Variants in PIGX observed in about 807,000 individuals in gnomAD.
PIGX encodes the protein phosphatidylinositol glycan anchor biosynthesis class X.
In PIGX, 24 loss-of-function variants were observed where a neutral mutation model predicts 28.7. The observed-to-expected ratio is 0.84, with a 90% CI of 0.60 to 1.17. The LOEUF (loss-of-function observed/expected upper bound fraction) is 1.17. Among genes scored for constraint, PIGX ranks in the 50% most tolerant of loss-of-function variants. The probability of loss-of-function intolerance (pLI) is 0.00; values close to 1 mark genes in which losing one functional copy is unlikely to be tolerated. For missense variants in PIGX, 305 were observed against 317.8 expected (o/e 0.96, Z 0.31); for synonymous variants, 127 against 121.0 (o/e 1.05, Z -0.33).
chr3:196,717,744 A>G (rs1193798786), intron 2 of PIGX: 1 of 152,192 alleles, frequency 6.6e-6, no homozygotes, highest in Non-Finnish European at 1.5e-5. Flanking sequence ...GCTTAGTACT[A>G]TTATACTTCA....
At chr3:196,729,390 A>G (rs1323182215) in intron 4 of PIGX, among the ~76,000 whole-genome samples, 3 of 151,142 alleles carry the variant, frequency 2.0e-5, no homozygotes, top group African/African-American at 7.3e-5. Context: ...TCTTCTCAAG[A>G]TGTTTTCTTT....
chr3:196,714,176 G>T (rs1421336371), intron 1 of PIGX, among the ~76,000 whole-genome samples: 1 of 152,126 alleles, frequency 6.6e-6, no homozygotes, highest in African/African-American at 2.4e-5. Flanking sequence ...GAAAGATCTG[G>T]ATTTGTGCTG....
intron 5 of PIGX, among the ~76,000 whole-genome samples, 164 bp downstream of exon 5, chr3:196,731,256 C>T (rs946733335): frequency 6.6e-6 from 1 of 151,826 alleles, no homozygotes; most frequent in Non-Finnish European, 1.5e-5. Flanking sequence ...CGGCTCACTG[C>T]AGCCTCCGCC....
intron 1 of PIGX, chr3:196,713,144 A>C (rs1711907195): frequency 1.1e-6 from 1 of 936,540 alleles, no homozygotes; most frequent in Non-Finnish European, 1.3e-6. Context: ...GATGGGAGGA[A>C]AGCACAAACC....
At chr3:196,722,276 A>T (rs1002351083) in intron 2 of PIGX, 139 bp from the exon 3 acceptor site, 6 of 607,006 alleles carry the variant, frequency 9.9e-6, no homozygotes, top group Non-Finnish European at 1.4e-5. Flanking sequence ...CATGTTATAA[A>T]TATTTCATTT....
At chr3:196,731,267 T>A (rs999801484) in intron 5 of PIGX, among the ~76,000 whole-genome samples, 175 bp downstream of exon 5, 1 of 151,954 alleles carries the variant, frequency 6.6e-6, no homozygotes, top group Non-Finnish European at 1.5e-5. Context: ...AGCCTCCGCC[T>A]ACCAGGTTCA....
At position 196,732,286 on chromosome 3, in the gene PIGX, TTA is replaced by T. The variant is rs1560080896; in HGVS notation, c.633+1196_633+1197del. Among the ~76,000 whole-genome samples, 96 of 84,266 alleles carry T rather than the reference TTA, an allele frequency of 1.1e-3. 20 individuals carry two copies. Among genetic ancestry groups the T allele is most frequent in the African/African-American group, 1.5e-3 (28 of 18,510 alleles). 55.3% of individuals were successfully genotyped at this position (84,266 alleles called of 152,430 possible). A position where few individuals can be genotyped will look rare whatever the true frequency, so the allele number is the denominator to read the frequency against. On this transcript the variant is annotated intron_variant, in intron 5 of 5. Transcript: ENST00000392391. ...ATTTTATTTTATTTTTTTTTTTATT[TTA>T]TTTTTTTTTTTGAGACGGAGTCTCG...
intron 4 of PIGX, among the ~76,000 whole-genome samples, chr3:196,730,117 G>A (rs1712689130): frequency 1.3e-5 from 2 of 151,306 alleles, no homozygotes; most frequent in Admixed American, 1.3e-4. Context: ...CCGACAGATG[G>A]GAAGTTTTTA....
chr3:196,717,300 C>CAAAAAAAAAA (rs55850813), intron 2 of PIGX, among the ~76,000 whole-genome samples: 2 of 120,950 alleles, frequency 1.7e-5, no homozygotes, highest in East Asian at 2.8e-4. Context: ...GACTCTGTCT[C>CAAAAAAAAAA]AAAAAAAGAA....
Position 196,731,533 on chromosome 3 carries a change from A to G in PIGX, c.633+441A>G, listed in dbSNP as rs73072740. On this transcript the variant is annotated intron_variant, in intron 5 of 5. Transcript: ENST00000392391. ...TTTTTTCTTACAGCAAAGGGTTACTACAAAGCACTGCTGTTTTTTGTTGGG... is the reference window on the plus strand; with the variant it reads ...TTTTTTCTTACAGCAAAGGGTTACTGCAAAGCACTGCTGTTTTTTGTTGGG... Among the ~76,000 whole-genome samples the G allele has an allele frequency of 4.1e-3, 617 of 152,320 alleles. 3 individuals are homozygous for G. The highest frequency in any genetic ancestry group is 0.014 in the African/African-American group (591 of 41,578).
rs748126081 is a variant in PIGX at position 196,727,957 on chromosome 3, C to A, written c.353C>A (p.Ala118Asp). Residue 118 changes from alanine (A) to aspartate (D), a missense_variant, in exon 4 of 6, where the codon GCC (alanine) becomes GAC (aspartate). Transcript: ENST00000392391. ...GTTTCAGAAAATTTTGATATAGAGG[C>A]CCCTAACTATTTGTCCAAGGAGTCT... The A allele has an allele frequency of 3.7e-6, 6 of 1,613,078 alleles. No homozygotes were observed. The highest frequency in any genetic ancestry group is 1.1e-5 in the South Asian group (1 of 91,056).
chr3:196,723,066 G>T (rs1204779528), intron 3 of PIGX, among the ~76,000 whole-genome samples: 2 of 152,212 alleles, frequency 1.3e-5, no homozygotes, highest in Non-Finnish European at 2.9e-5. Flanking sequence ...TGAGGGCTGG[G>T]TGCAGCGTCT....
At chr3:196,725,234 CAAAG>C (rs1712475903) in intron 3 of PIGX, among the ~76,000 whole-genome samples, 1 of 152,028 alleles carries the variant, frequency 6.6e-6, no homozygotes, top group South Asian at 2.1e-4. Context: ...AAGTTTTACT[CAAAG>C]TATGTAGTAT....
rs1270777805 is a variant in PIGX at position 196,712,483 on chromosome 3, G to C, written c.-50G>C. 3 of 937,544 alleles carry C rather than the reference G, an allele frequency of 3.2e-6. No individual in the cohort carries two copies. The highest frequency in any genetic ancestry group is 1.7e-5 in the African/African-American group (1 of 57,360). 58.1% of individuals were successfully genotyped at this position (937,544 alleles called of 1,614,324 possible). A position where few individuals can be genotyped will look rare whatever the true frequency, so the allele number is the denominator to read the frequency against. On this transcript the variant is annotated 5_prime_UTR_variant, in exon 1 of 6. Transcript: ENST00000392391. ...TGCGGGCGGCCAGGCCCCTTCCTGC[G>C]TCCGCACCTGGCCCCGCGCGCCCCT...
In PIGX at chr3:196,712,653, G is replaced by T; in HGVS notation, c.112+9G>T. ...CGCGCGCTCTGACGCCGGTAAGGGG[G>T]GCGGGGCTTGGGGGGCCAGAGCGTG... On this transcript the variant is annotated intron_variant, in intron 1 of 5. Transcript: ENST00000392391. 8.4e-7 allele frequency: 1 copy of T among 1,186,888 alleles called. No homozygotes were observed. Among genetic ancestry groups the T allele is most frequent in the South Asian group, 4.2e-5 (1 of 23,818 alleles). The allele number at this position is 1,186,888 out of a possible 1,614,324, so 73.5% of individuals were successfully genotyped here.
chr3:196,713,472 A>T (rs1711930297), intron 1 of PIGX, among the ~76,000 whole-genome samples: 1 of 151,632 alleles, frequency 6.6e-6, no homozygotes, highest in Admixed American at 6.6e-5. Context: ...TGCCCAGCTA[A>T]TTTTTTGTAT....
chr3:196,715,563 G>T (rs1406521369), intron 1 of PIGX, among the ~76,000 whole-genome samples: 1 of 152,078 alleles, frequency 6.6e-6, no homozygotes, highest in African/African-American at 2.4e-5. Context: ...CCTTCAAATA[G>T]TTTCACCTTC....
At chr3:196,726,033 A>G (rs1294801865) in intron 3 of PIGX, among the ~76,000 whole-genome samples, 1 of 152,188 alleles carries the variant, frequency 6.6e-6, no homozygotes, top group African/African-American at 2.4e-5. Context: ...CTAGGCAAGG[A>G]TGGGGGGAAA....
In PIGX at chr3:196,722,423, T is replaced by A. The variant is rs1459040006; in HGVS notation, c.185T>A (p.Leu62Ter). Reference sequence around the variant, plus strand: ...ATGTACTTGTCTTACAGAGACCTTTTAATCAAAGTGAAGTTTGGGGAAAGC... The same window carrying A: ...ATGTACTTGTCTTACAGAGACCTTTAAATCAAAGTGAAGTTTGGGGAAAGC... The change falls in exon 3 of 6, where the codon TTA (leucine) becomes TAA (stop). Residue 62 changes from leucine to a stop codon, truncating the protein, a stop_gained. Coordinates refer to ENST00000392391, the MANE Select transcript of PIGX (RefSeq NM_017861.4). LOFTEE classifies it high-confidence loss of function. 2 of 1,610,668 alleles carry A rather than the reference T, an allele frequency of 1.2e-6. No homozygotes were observed. The highest frequency in any genetic ancestry group is 4.5e-5 in the East Asian group (2 of 44,848).
Sources: allele counts gnomAD v4.1 joint callset (sites outside exome capture counted in the v4.1 genomes callset), GRCh38; gene constraint gnomAD v4.1.1; transcripts MANE v1.5; gene names NCBI Gene and HGNC (gene_info 2026-07-23, HGNC 2026-07-21).